KIAA1549L: variants seen among roughly 807,000 people sequenced by gnomAD.
The protein encoded by KIAA1549L is KIAA1549 like, also known as UPF0606 protein KIAA1549L.
KIAA1549L carries 88 observed loss-of-function variants against 160.7 expected under a neutral mutation model. That is an observed-to-expected ratio of 0.55 (90% CI 0.46 to 0.65). The LOEUF (loss-of-function observed/expected upper bound fraction) is 0.65, where lower values mean the gene tolerates loss of function less well. Among genes scored for constraint, KIAA1549L ranks in the 30% least tolerant of loss-of-function variants. KIAA1549L has a pLI of 0.00. For synonymous variants in KIAA1549L, 950 were observed against 976.7 expected (o/e 0.97, Z 0.51); for missense variants, 2,258 against 2,437.5 (o/e 0.93, Z 1.55).
intron 1 of KIAA1549L, among the ~76,000 whole-genome samples, chr11:33,408,090 C>T (rs534853845): frequency 7.2e-5 from 11 of 152,196 alleles, no homozygotes; most frequent in South Asian, 2.1e-4. Flanking sequence ...TTTAATTATC[C>T]GCTTTCTGGA....
At chr11:33,461,195 C>A (rs944779134) in intron 1 of KIAA1549L, among the ~76,000 whole-genome samples, 2 of 134,436 alleles carry the variant, frequency 1.5e-5, no homozygotes, top group African/African-American at 4.9e-5. Flanking sequence ...TTATAGACCA[C>A]CCTTTCAATA....
intron 1 of KIAA1549L, among the ~76,000 whole-genome samples, chr11:33,480,102 AAATAC>A (rs1481820213): frequency 6.6e-6 from 1 of 152,186 alleles, no homozygotes; most frequent in African/African-American, 2.4e-5. Context: ...GATATAACCC[AAATAC>A]AATACAGCTC....
At chr11:33,645,634 C>G in intron 16 of KIAA1549L, 52 bp from the exon 17 acceptor site, 3 of 1,334,722 alleles carry the variant, frequency 2.2e-6, no homozygotes, top group Non-Finnish European at 3.2e-6. Context: ...TTACAGAGCA[C>G]CTTCACGGGA....
At chr11:33,469,605 G>A (rs1369717697) in intron 1 of KIAA1549L, among the ~76,000 whole-genome samples, 1 of 152,154 alleles carries the variant, frequency 6.6e-6, no homozygotes, top group African/African-American at 2.4e-5. Flanking sequence ...AAACTGTTTT[G>A]CAAAGAGGCT....
rs1263322030 is a variant in KIAA1549L, at chr11:33,672,894, C to T, written c.*4740C>T. ...CAGGTGCTACTAATGTGGCTCACGG[C>T]CACACACTTGCATGGATAAGAAAAC... On this transcript the variant is annotated 3_prime_UTR_variant, in exon 21 of 21. Transcript: ENST00000658780. The T allele has an allele frequency of 6.5e-6, 1 of 153,762 alleles. No homozygotes were observed. Among genetic ancestry groups the T allele is most frequent in the Non-Finnish European group, 1.5e-5 (1 of 68,040 alleles). 9.5% of individuals were successfully genotyped at this position (153,762 alleles called of 1,614,324 possible).
chr11:33,516,139 C>CTTT lies in KIAA1549L; in HGVS notation c.239-25635_239-25633dup, dbSNP rs927894187. 4.2e-4 allele frequency among the ~76,000 whole-genome samples: 18 copies of CTTT among 43,286 alleles called. 2 individuals carry two copies. Among genetic ancestry groups the CTTT allele is most frequent in the African/African-American group, 1.8e-3 (8 of 4,378 alleles). The allele number at this position is 43,286 out of a possible 152,430, so 28.4% of individuals were successfully genotyped here. ...CACTACCAATCAGCTGGAGGTGATTCTTTTTTTTTTTTTTTTTTTTTTTTT... is the reference window on the plus strand; with the variant it reads ...CACTACCAATCAGCTGGAGGTGATTCTTTTTTTTTTTTTTTTTTTTTTTTTTTT... On this transcript the variant is annotated intron_variant, in intron 1 of 20. Coordinates refer to ENST00000658780, the MANE Select transcript of KIAA1549L (RefSeq NM_012194.3).
intron 9 of KIAA1549L, among the ~76,000 whole-genome samples, chr11:33,572,198 A>G (rs1229755805): frequency 1.3e-5 from 2 of 151,980 alleles, no homozygotes; most frequent in Non-Finnish European, 2.9e-5. Flanking sequence ...CACCACGCCC[A>G]GCTAATTTTT....
At chr11:33,624,698 T>C (rs962551749) in intron 16 of KIAA1549L, among the ~76,000 whole-genome samples, 2 of 152,074 alleles carry the variant, frequency 1.3e-5, no homozygotes, top group Admixed American at 6.6e-5. Context: ...CAGGGCCACA[T>C]AGGCTACACC....
At chr11:33,534,249 ATT>A (rs57841189) in intron 1 of KIAA1549L, among the ~76,000 whole-genome samples, 1 of 142,580 alleles carries the variant, frequency 7.0e-6, no homozygotes. Flanking sequence ...CGCCCAGCTA[ATT>A]TTTTTTTTTT....
At chr11:33,415,698 A>G (rs1565127133) in intron 1 of KIAA1549L, among the ~76,000 whole-genome samples, 1 of 152,200 alleles carries the variant, frequency 6.6e-6, no homozygotes, top group Non-Finnish European at 1.5e-5. Flanking sequence ...TCAGAGCCCA[A>G]GATGGGACCC....
intron 10 of KIAA1549L, among the ~76,000 whole-genome samples, chr11:33,575,455 G>T (rs1396713850): frequency 1.3e-5 from 2 of 152,338 alleles, no homozygotes; most frequent in East Asian, 3.9e-4. Flanking sequence ...ACCCTCCCTT[G>T]TGGCAGCTGC....
rs771503132 is a variant in KIAA1549L at position 33,543,480 on chromosome 11, C to T, written c.1917C>T (p.Phe639=). The part of the protein sequence containing the change: ...ILSIQATQTV[F]PSLGFSSTKP... The stretch of plus-strand genomic sequence containing the variant: ...CCATACAAGCCACCCAGACTGTTTT[C>T]CCATCTCTTGGCTTTTCCAGCACCA... The change falls in exon 2 of 21, where the codon TTC becomes TTT. Residue 639 remains phenylalanine, a synonymous_variant. Coordinates refer to ENST00000658780, the MANE Select transcript of KIAA1549L (RefSeq NM_012194.3). The T allele has an allele frequency of 3.7e-6, 6 of 1,613,934 alleles. No homozygotes were observed. Among genetic ancestry groups the T allele is most frequent in the Non-Finnish European group, 5.1e-6 (6 of 1,179,912 alleles).
chr11:33,584,086 T>G (rs1855733220), intron 11 of KIAA1549L, among the ~76,000 whole-genome samples: 2 of 152,150 alleles, frequency 1.3e-5, no homozygotes, highest in South Asian at 4.1e-4. Flanking sequence ...CCTAGAGAGC[T>G]CTCTTCCATG....
At chr11:33,515,318 G>A (rs1168322471) in intron 1 of KIAA1549L, among the ~76,000 whole-genome samples, 1 of 152,216 alleles carries the variant, frequency 6.6e-6, no homozygotes, top group Non-Finnish European at 1.5e-5. Context: ...GTTTTGGCAT[G>A]TATGTGGGCC....
chr11:33,658,685 C>T, intron 18 of KIAA1549L, 65 bp from the exon 19 acceptor site: 1 of 1,523,366 alleles, frequency 6.6e-7, no homozygotes, highest in South Asian at 1.2e-5. Context: ...GGGGCGCACT[C>T]CTCCTGCTCG....
chr11:33,510,306 C>T (rs1853197277), intron 1 of KIAA1549L, among the ~76,000 whole-genome samples: 1 of 152,144 alleles, frequency 6.6e-6, no homozygotes, highest in African/African-American at 2.4e-5. Context: ...CTGCCTCAGC[C>T]CCCCGAGTAG....
chr11:33,650,670 C>T (rs1356991971), intron 17 of KIAA1549L, among the ~76,000 whole-genome samples: 1 of 152,196 alleles, frequency 6.6e-6, no homozygotes, highest in Non-Finnish European at 1.5e-5. Flanking sequence ...TCCCTTCCTT[C>T]CTTCCATGCT....
intron 2 of KIAA1549L, 165 bp downstream of exon 2, chr11:33,544,501 T>C (rs946369589): frequency 1.1e-5 from 9 of 806,488 alleles, no homozygotes; most frequent in Admixed American, 2.8e-5. Context: ...AGTCACCTCA[T>C]TGATCCTGTG....
intron 1 of KIAA1549L, among the ~76,000 whole-genome samples, chr11:33,458,978 T>TG (rs1321783876): frequency 6.6e-6 from 1 of 152,254 alleles, no homozygotes. Flanking sequence ...CGTGGCAAGA[T>TG]GGGGAGTTTC....
Sources: gnomAD v4.1 joint callset for allele counts (sites outside exome capture counted in the v4.1 genomes callset) on GRCh38, gnomAD v4.1.1 for gene constraint, MANE v1.5 for transcripts, NCBI Gene and HGNC (gene_info 2026-07-23, HGNC 2026-07-21) for gene names.